Variants in GNG2 observed in about 807,000 individuals in gnomAD.
The protein encoded by GNG2 is G protein subunit gamma 2.
GNG2 carries 5 observed loss-of-function variants against 5.5 expected under a neutral mutation model. That is an observed-to-expected ratio of 0.91 (90% CI 0.48 to 1.92). The LOEUF (loss-of-function observed/expected upper bound fraction) is 1.92, where lower values mean the gene tolerates loss of function less well. GNG2 is among the 30% of genes most tolerant of loss of function. The pLI is 0.01. For missense variants in GNG2, 55 were observed against 88.4 expected, an observed-to-expected ratio of 0.62 and a Z score of 1.52; for synonymous variants, 28 against 32.0, an observed-to-expected ratio of 0.88 and a Z score of 0.42.
intron 3 of GNG2, among the ~76,000 whole-genome samples, chr14:51,953,939 G>A (rs1003942621): frequency 6.6e-6 from 1 of 152,144 alleles, no homozygotes; most frequent in African/African-American, 2.4e-5. Context: ...TATACGTCTG[G>A]CAGAACCTAC....
chr14:51,836,062 A>C (rs1881321030), intron 2 of GNG2, among the ~76,000 whole-genome samples: 1 of 151,432 alleles, frequency 6.6e-6, no homozygotes, highest in South Asian at 2.1e-4. Context: ...GCACTGGCAG[A>C]TCTAGTGTTT....
intron 1 of GNG2, among the ~76,000 whole-genome samples, chr14:51,876,616 T>G (rs1354911441): frequency 1.3e-5 from 2 of 152,162 alleles, no homozygotes; most frequent in Non-Finnish European, 2.9e-5. Flanking sequence ...TTGGCTTTTT[T>G]TTTTCTTTTT....
chr14:51,962,038 G>A (rs1350265407), intron 3 of GNG2, among the ~76,000 whole-genome samples: 1 of 152,112 alleles, frequency 6.6e-6, no homozygotes, highest in Non-Finnish European at 1.5e-5. Flanking sequence ...ATGAACACAG[G>A]AAATCATTTA....
chr14:51,842,622 T>C (rs2140078289), intron 2 of GNG2, among the ~76,000 whole-genome samples: 1 of 152,148 alleles, frequency 6.6e-6, no homozygotes, highest in East Asian at 1.9e-4. Flanking sequence ...TTACCACAAA[T>C]GGCCTGTGTG....
chr14:51,864,347 GT>G (rs1882728272), intron 1 of GNG2, among the ~76,000 whole-genome samples: 1 of 152,026 alleles, frequency 6.6e-6, no homozygotes, highest in Non-Finnish European at 1.5e-5. Context: ...CCTTGCTGAT[GT>G]TTTTCCCCAG....
chr14:51,902,574 T>C (rs1411823998), intron 2 of GNG2, among the ~76,000 whole-genome samples: 1 of 152,158 alleles, frequency 6.6e-6, no homozygotes, highest in Non-Finnish European at 1.5e-5. Flanking sequence ...AAATGAGATA[T>C]AGTCATATCT....
chr14:51,946,558 C>T (rs1000899629), intron 2 of GNG2, among the ~76,000 whole-genome samples: 2 of 152,176 alleles, frequency 1.3e-5, no homozygotes, highest in Non-Finnish European at 2.9e-5. Context: ...GTGTAAATGG[C>T]TTAATTCACA....
intron 2 of GNG2, among the ~76,000 whole-genome samples, chr14:51,935,852 A>C (rs1478737432): frequency 1.3e-5 from 2 of 152,088 alleles, no homozygotes; most frequent in Non-Finnish European, 2.9e-5. Flanking sequence ...CAGGAGAGAG[A>C]GAGCGATGTT....
At chr14:51,918,124 A>C (rs950175027) in intron 2 of GNG2, among the ~76,000 whole-genome samples, 1 of 152,164 alleles carries the variant, frequency 6.6e-6, no homozygotes, top group Non-Finnish European at 1.5e-5. Flanking sequence ...ACCAGAAGCA[A>C]CAGGGGCAAA....
At chr14:51,948,918 A>G (rs1044426734) in intron 2 of GNG2, among the ~76,000 whole-genome samples, 1 of 152,060 alleles carries the variant, frequency 6.6e-6, no homozygotes, top group Non-Finnish European at 1.5e-5. Context: ...TCAGGAGATC[A>G]AGACCATCCT....
At chr14:51,859,379 G>T (rs1030382302), upstream of GNG2, among the ~76,000 whole-genome samples, 1 of 152,158 alleles carries the variant, frequency 6.6e-6, no homozygotes, top group African/African-American at 2.4e-5. Flanking sequence ...AAGCATCTGG[G>T]CTCAATTGTG....
At chr14:51,945,840 ACT>A in intron 2 of GNG2, among the ~76,000 whole-genome samples, 1 of 122,228 alleles carries the variant, frequency 8.2e-6, no homozygotes, top group Non-Finnish European at 1.8e-5. Context: ...TAGAAGACAA[ACT>A]CTTATTTGCA....
At chr14:51,829,874 A>G (rs4901161) in intron 2 of GNG2, among the ~76,000 whole-genome samples, 142,387 of 149,448 alleles carry the variant, frequency 0.95, 68,114 homozygotes, top group East Asian at 1. Flanking sequence ...ACAGAGTCTC[A>G]CTCTGTCACC....
chr14:51,856,750 T>C (rs1353094771), upstream of GNG2, among the ~76,000 whole-genome samples: 1 of 152,246 alleles, frequency 6.6e-6, no homozygotes, highest in Non-Finnish European at 1.5e-5. Context: ...ATTTTCTAAT[T>C]ACTTTTTTGT....
intron 2 of GNG2, among the ~76,000 whole-genome samples, chr14:51,852,620 T>G (rs1283510947): frequency 6.6e-6 from 1 of 152,274 alleles, no homozygotes; most frequent in East Asian, 1.9e-4. Flanking sequence ...TAAGGAATCT[T>G]AATTATAGAT....
chr14:51,907,457 C>T (rs188005127), intron 2 of GNG2, among the ~76,000 whole-genome samples: 31 of 152,176 alleles, frequency 2.0e-4, no homozygotes, highest in Admixed American at 2.0e-4. Context: ...AATTCATTTC[C>T]CTCTCTGCAT....
chr14:51,966,475 T>C (rs1889927305), intron 3 of GNG2, 84 bp from the exon 4 acceptor site: 2 of 1,178,408 alleles, frequency 1.7e-6, no homozygotes, highest in Non-Finnish European at 2.5e-6. Context: ...AAGGATTTGA[T>C]GCCAGGACAT....
chr14:51,843,403 A>C (rs985312699), intron 2 of GNG2, among the ~76,000 whole-genome samples: 1 of 152,068 alleles, frequency 6.6e-6, no homozygotes, highest in Non-Finnish European at 1.5e-5. Context: ...CAGGGATGGG[A>C]GCATCACACA....
chr14:51,832,464 T>C (rs746062571), intron 2 of GNG2, among the ~76,000 whole-genome samples: 1 of 152,256 alleles, frequency 6.6e-6, no homozygotes, highest in Non-Finnish European at 1.5e-5. Flanking sequence ...TTTTCTACTT[T>C]AGAAATAATT....
Sources: gnomAD v4.1 joint callset for allele counts (sites outside exome capture counted in the v4.1 genomes callset) on GRCh38, gnomAD v4.1.1 for gene constraint, MANE v1.5 for transcripts, NCBI Gene and HGNC (gene_info 2026-07-23, HGNC 2026-07-21) for gene names.